The following LEKR1 variants were observed in gnomAD, a reference collection of about 807,000 sequenced individuals.
The protein encoded by LEKR1 is leucine, glutamate and lysine rich 1.
A neutral mutation model predicts 72.4 loss-of-function variants in LEKR1; 59 were observed. That is an observed-to-expected ratio of 0.82 (90% confidence interval 0.66 to 1.01). LEKR1 has a LOEUF of 1.01. Ranked by LOEUF, LEKR1 falls within the 50% of genes least tolerant of loss-of-function variation. LEKR1 has a pLI of 0.00. For missense variants in LEKR1, 728 were observed against 759.2 expected, an observed-to-expected ratio of 0.96 and a Z score of 0.48; for synonymous variants, 257 against 263.2, an observed-to-expected ratio of 0.98 and a Z score of 0.23.
At chr3:157,036,194 A>G (rs1160934301) in intron 12 of LEKR1, among the ~76,000 whole-genome samples, 3 of 152,238 alleles carry the variant, frequency 2.0e-5, no homozygotes, top group Admixed American at 2.0e-4. Flanking sequence ...TTAAAAATGT[A>G]TAATTAATAT....
At chr3:156,943,577 C>G (rs761909203) in intron 6 of LEKR1, among the ~76,000 whole-genome samples, 13 of 151,878 alleles carry the variant, frequency 8.6e-5, no homozygotes, top group Non-Finnish European at 1.6e-4. Context: ...GACTTCAATG[C>G]TCATGCTTGT....
At chr3:156,910,560 A>G (rs1723012738) in intron 3 of LEKR1, among the ~76,000 whole-genome samples, 1 of 152,224 alleles carries the variant, frequency 6.6e-6, no homozygotes, top group Admixed American at 6.5e-5. Flanking sequence ...CATCACCCAT[A>G]TGTCTAGGTG....
At chr3:156,965,349 A>C (rs1333246802) in intron 6 of LEKR1, among the ~76,000 whole-genome samples, 1 of 152,150 alleles carries the variant, frequency 6.6e-6, no homozygotes, top group African/African-American at 2.4e-5. Context: ...GTTAAGATTA[A>C]AAAACGCAGC....
intron 9 of LEKR1, among the ~76,000 whole-genome samples, chr3:157,003,547 T>C (rs979619865): frequency 3.3e-5 from 5 of 152,170 alleles, no homozygotes; most frequent in African/African-American, 1.2e-4. Context: ...TGTTACAAGT[T>C]GTCAGCATTC....
At chr3:156,904,794 A>C (rs1394414764) in intron 3 of LEKR1, among the ~76,000 whole-genome samples, 1 of 151,838 alleles carries the variant, frequency 6.6e-6, no homozygotes, top group Non-Finnish European at 1.5e-5. Flanking sequence ...CACTGTGCCC[A>C]ACCTATGTAT....
At chr3:157,010,891 T>C (rs112254681) in intron 9 of LEKR1, among the ~76,000 whole-genome samples, 5 of 152,186 alleles carry the variant, frequency 3.3e-5, no homozygotes, top group African/African-American at 9.6e-5. Context: ...ACATCACACA[T>C]CTCTCTACTT....
At chr3:156,930,319 A>G (rs970701146) in intron 5 of LEKR1, among the ~76,000 whole-genome samples, 5 of 152,180 alleles carry the variant, frequency 3.3e-5, no homozygotes, top group African/African-American at 7.2e-5. Context: ...ATGAGTAAAT[A>G]TAAAAGACTC....
At chr3:156,838,496 A>C (rs1434446339) in intron 2 of LEKR1, among the ~76,000 whole-genome samples, 2 of 152,202 alleles carry the variant, frequency 1.3e-5, no homozygotes, top group Non-Finnish European at 1.5e-5. Flanking sequence ...GAGCCAGCTA[A>C]TACCCCCAAA....
At chr3:156,931,117 A>T (rs1560089644) in intron 5 of LEKR1, among the ~76,000 whole-genome samples, 1 of 152,152 alleles carries the variant, frequency 6.6e-6, no homozygotes, top group Non-Finnish European at 1.5e-5. Flanking sequence ...ATGAAAATGA[A>T]TAGTTAAATC....
In LEKR1 at chr3:156,982,839, A is replaced by ATGTG. The variant is rs138059166; in HGVS notation, c.827+3578_827+3581dup. On this transcript the variant is annotated intron_variant, in intron 7 of 12. Coordinates refer to ENST00000356539, the MANE Select transcript of LEKR1 (RefSeq NM_001004316.3). Reference sequence around the variant, plus strand: ...TTATTACTTTCATATATATATGAATATGTGTGTGTGTGTGTGTAGATAGAT... The same window carrying ATGTG: ...TTATTACTTTCATATATATATGAATATGTGTGTGTGTGTGTGTGTGTAGATAGAT... Among the ~76,000 whole-genome samples the ATGTG allele has an allele frequency of 6.5e-3, 956 of 147,036 alleles. 10 individuals are homozygous for ATGTG. Among genetic ancestry groups the ATGTG allele is most frequent in the African/African-American group, 0.02 (779 of 39,284 alleles).
chr3:156,873,135 T>G (rs1045127353), intron 3 of LEKR1, among the ~76,000 whole-genome samples: 9 of 152,108 alleles, frequency 5.9e-5, no homozygotes, highest in African/African-American at 2.2e-4. Context: ...TGTTATATGC[T>G]GTTGATGAAT....
At chr3:156,956,002 G>A (rs1437251889) in intron 6 of LEKR1, among the ~76,000 whole-genome samples, 2 of 151,054 alleles carry the variant, frequency 1.3e-5, no homozygotes, top group African/African-American at 4.9e-5. Flanking sequence ...AAAAAGAACA[G>A]CATTTGTGAA....
intron 3 of LEKR1, among the ~76,000 whole-genome samples, chr3:156,862,115 A>G (rs982885789): frequency 5.3e-5 from 8 of 152,108 alleles, no homozygotes; most frequent in African/African-American, 1.4e-4. Flanking sequence ...ATCTTTTATT[A>G]CCAGCATAAC....
chr3:156,987,336 CTAGG>C (rs1448785796), intron 7 of LEKR1, among the ~76,000 whole-genome samples: 1 of 151,774 alleles, frequency 6.6e-6, no homozygotes, highest in Non-Finnish European at 1.5e-5. Context: ...AGGGGACTTC[CTAGG>C]ATGATAGGTG....
chr3:156,856,887 AG>A (rs1344180806), intron 3 of LEKR1, among the ~76,000 whole-genome samples: 2 of 152,082 alleles, frequency 1.3e-5, no homozygotes, highest in Non-Finnish European at 2.9e-5. Flanking sequence ...TATTTCCAAT[AG>A]TTATACCCTT....
intron 10 of LEKR1, among the ~76,000 whole-genome samples, chr3:157,012,333 T>C (rs916557092): frequency 3.3e-5 from 5 of 152,098 alleles, no homozygotes; most frequent in Admixed American, 3.3e-4. Flanking sequence ...TAAATTTTCC[T>C]CTAGAAATGG....
intron 12 of LEKR1, among the ~76,000 whole-genome samples, chr3:157,032,030 C>T (rs989579567): frequency 1.3e-5 from 2 of 151,438 alleles, no homozygotes; most frequent in African/African-American, 4.9e-5. Flanking sequence ...CAAGGAGTCC[C>T]TGAGAAGATA....
chr3:157,045,559 G>A lies in LEKR1; in HGVS notation c.1888G>A (p.Gly630Arg), dbSNP rs200609443. The A allele has an allele frequency of 9.5e-5, 154 of 1,614,060 alleles. 1 individual carries two copies. In the Middle Eastern group the frequency reaches 3.5e-3, roughly 36 times the overall value. ...CCTTGCAAGACTGAACTCTGAAAAA[G>A]GAATCCAAATTCCCAACCTGCGCGG... ...RSLARLNSEK[G>R]IQIPNLRGVS... is the part of the protein sequence containing the mutation. The change falls in exon 13 of 13, where the codon GGA (glycine) becomes AGA (arginine). Residue 630 changes from glycine to arginine, a missense_variant. Coordinates refer to ENST00000356539, the MANE Select transcript of LEKR1 (RefSeq NM_001004316.3).
chr3:157,009,973 T>C (rs1732758575), intron 9 of LEKR1, among the ~76,000 whole-genome samples: 1 of 152,090 alleles, frequency 6.6e-6, no homozygotes, highest in Non-Finnish European at 1.5e-5. Context: ...TCAAAATTAA[T>C]GACATAAAAC....
Sources: allele counts gnomAD v4.1 joint callset (sites outside exome capture counted in the v4.1 genomes callset), GRCh38; gene constraint gnomAD v4.1.1; transcripts MANE v1.5; gene names NCBI Gene and HGNC (gene_info 2026-07-23, HGNC 2026-07-21).